The following SLC30A9 variants were observed in gnomAD, a reference collection of about 807,000 sequenced individuals.
SLC30A9 encodes the protein proton-coupled zinc antiporter SLC30A9, mitochondrial.
A neutral mutation model predicts 87.5 loss-of-function variants in SLC30A9; 58 were observed. The ratio of observed to expected loss-of-function variants is 0.66; its 90% CI spans 0.54 to 0.82. SLC30A9 has a LOEUF of 0.82. Ranked by LOEUF, SLC30A9 falls within the 40% of genes least tolerant of loss-of-function variation. SLC30A9 has a pLI of 0.00. For synonymous variants in SLC30A9, 234 were observed against 233.0 expected (o/e 1.00, Z -0.04); for missense variants, 557 against 679.1 (o/e 0.82, Z 2.00).
rs1197318852 is a variant in SLC30A9 at position 42,075,660 on chromosome 4, A to G, written c.1422A>G (p.Ala474=). ...TATGCATTGTTATTGATTGCAGGGC[A>G]ATTCATGATGTTAAAGCCACAGATC... The part of the protein sequence containing the change: ...ELLENDPSVR[A]IHDVKATDLG... Residue 474 remains alanine (A), a synonymous_variant, in exon 16 of 18, where the codon GCA becomes GCG. Transcript: ENST00000264451. 6.2e-7 allele frequency: 1 copy of G among 1,613,044 alleles called. No homozygotes were observed. Among genetic ancestry groups the G allele is most frequent in the Admixed American group, 1.7e-5 (1 of 59,928 alleles).
intron 14 of SLC30A9, chr4:42,070,281 A>ATT: frequency 2.8e-6 from 1 of 352,168 alleles, no homozygotes. Context: ...AACTTCACAT[A>ATT]TGTAATGACA....
chr4:42,011,559 G>C (rs776131080), intron 2 of SLC30A9, among the ~76,000 whole-genome samples: 2 of 152,154 alleles, frequency 1.3e-5, no homozygotes, highest in Non-Finnish European at 1.5e-5. Flanking sequence ...CTGAGCACAA[G>C]AATGTGAAGA....
intron 7 of SLC30A9, 52 bp from the exon 8 acceptor site, chr4:42,038,934 G>A (rs1385486017): frequency 9.1e-6 from 12 of 1,316,622 alleles, no homozygotes; most frequent in Non-Finnish European, 1.3e-5. Flanking sequence ...CAGTTACAGT[G>A]CTTCTCTGCA....
At chr4:42,055,663 A>C (rs761663614) in intron 9 of SLC30A9, among the ~76,000 whole-genome samples, 1 of 152,248 alleles carries the variant, frequency 6.6e-6, no homozygotes, top group Non-Finnish European at 1.5e-5. Flanking sequence ...GTATCATTTA[A>C]TATCAACTGA....
chr4:42,012,658 T>C (rs548978644), intron 2 of SLC30A9, among the ~76,000 whole-genome samples: 4 of 152,224 alleles, frequency 2.6e-5, no homozygotes, highest in Non-Finnish European at 4.4e-5. Flanking sequence ...TATTACTGAC[T>C]ATAGTCACCC....
chr4:42,008,859 G>C (rs929846114), intron 2 of SLC30A9, among the ~76,000 whole-genome samples: 1 of 152,128 alleles, frequency 6.6e-6, no homozygotes, highest in Non-Finnish European at 1.5e-5. Flanking sequence ...CTCCCTTTGG[G>C]TTTACCTGTG....
chr4:42,065,210 T>G, intron 11 of SLC30A9, 100 bp from the exon 12 acceptor site: 1 of 703,966 alleles, frequency 1.4e-6, no homozygotes, highest in South Asian at 1.5e-5. Flanking sequence ...TGGCTTAAAT[T>G]TGAATTCGTG....
chr4:42,056,574 CAAG>C (rs1717623489), intron 9 of SLC30A9, among the ~76,000 whole-genome samples: 1 of 152,090 alleles, frequency 6.6e-6, no homozygotes, highest in African/African-American at 2.4e-5. Flanking sequence ...TGTGGGAATT[CAAG>C]ATGAGATTTG....
intron 1 of SLC30A9, among the ~76,000 whole-genome samples, chr4:41,996,305 A>G (rs982998907): frequency 6.6e-6 from 1 of 151,618 alleles, no homozygotes; most frequent in Non-Finnish European, 1.5e-5. Context: ...CATGTTGGTC[A>G]GGCTGGTCTC....
At chr4:42,014,604 C>T (rs1286860927) in intron 2 of SLC30A9, among the ~76,000 whole-genome samples, 1 of 151,868 alleles carries the variant, frequency 6.6e-6, no homozygotes, top group Non-Finnish European at 1.5e-5. Flanking sequence ...ATCTGCATTC[C>T]CATGTTTATT....
In SLC30A9 at chr4:42,062,990, G is replaced by A. The variant is rs1717926740; in HGVS notation, c.901G>A (p.Gly301Arg). 5.0e-6 allele frequency: 8 copies of A among 1,610,258 alleles called. No homozygotes were observed. Among genetic ancestry groups the A allele is most frequent in the East Asian group, 2.2e-5 (1 of 44,750 alleles). ...VQTPDPSHPY[G>R]FSNMRYISSL... ...ATATTCTTTTCTATTTTTCAGGTAC[G>A]GATTTTCAAATATGCGCTATATTTC... The change falls in exon 11 of 18, where the codon GGA becomes AGA. Residue 301 changes from glycine to arginine, a missense_variant. Coordinates refer to ENST00000264451, the MANE Select transcript of SLC30A9 (RefSeq NM_006345.4).
chr4:42,075,038 TA>T (rs1718470580), intron 15 of SLC30A9, among the ~76,000 whole-genome samples: 10 of 10,230 alleles, frequency 9.8e-4, no homozygotes, highest in Admixed American at 7.0e-3. Context: ...TATATATATA[TA>T]TATATATATA....
chr4:42,055,265 T>A (rs979077423), intron 9 of SLC30A9, among the ~76,000 whole-genome samples: 1 of 152,258 alleles, frequency 6.6e-6, no homozygotes, highest in Non-Finnish European at 1.5e-5. Context: ...ATAATATTTT[T>A]AAAATTTTAA....
At chr4:42,071,231 A>G (rs1468138887) in intron 15 of SLC30A9, among the ~76,000 whole-genome samples, 1 of 152,146 alleles carries the variant, frequency 6.6e-6, no homozygotes, top group Non-Finnish European at 1.5e-5. Flanking sequence ...CAGAATTCTA[A>G]TAGTGCTTTT....
chr4:42,033,277 TC>T (rs1449526494), intron 6 of SLC30A9, among the ~76,000 whole-genome samples: 1 of 151,994 alleles, frequency 6.6e-6, no homozygotes, highest in Non-Finnish European at 1.5e-5. Context: ...TCCTTTCCAC[TC>T]TAAGTCCTCT....
rs193097495 is a variant in SLC30A9, at chr4:42,089,422, T to C, written c.*3296T>C. On this transcript the variant is annotated 3_prime_UTR_variant, in exon 18 of 18. Coordinates refer to ENST00000264451, the MANE Select transcript of SLC30A9 (RefSeq NM_006345.4). ...GGGAGGATGAGGGGTGGAGTGTTTT[T>C]GTTTTTTTTGTTTTTTTTTGAGACA... is the stretch of plus-strand genomic sequence containing the variant. 4 of 152,246 alleles carry C rather than the reference T, an allele frequency of 2.6e-5. No homozygotes were observed. In the East Asian group the frequency reaches 7.7e-4, roughly 29 times the overall value. The allele number at this position is 152,246 out of a possible 1,614,324, so 9.4% of individuals were successfully genotyped here.
intron 16 of SLC30A9, among the ~76,000 whole-genome samples, chr4:42,076,080 G>A (rs745921075): frequency 1.7e-4 from 26 of 151,874 alleles, no homozygotes; most frequent in Non-Finnish European, 2.9e-4. Flanking sequence ...AACATATATA[G>A]AAATTGAAAG....
chr4:42,011,578 A>G (rs1415571049), intron 2 of SLC30A9, among the ~76,000 whole-genome samples: 1 of 152,190 alleles, frequency 6.6e-6, no homozygotes, highest in Non-Finnish European at 1.5e-5. Flanking sequence ...GAGGAGAATG[A>G]AAGGATATAC....
intron 10 of SLC30A9, among the ~76,000 whole-genome samples, chr4:42,062,631 G>T (rs141960853): frequency 1.6e-4 from 25 of 152,262 alleles, no homozygotes; most frequent in African/African-American, 5.3e-4. Flanking sequence ...GCATTACAAG[G>T]AAATTTAAAT....
Sources: gnomAD v4.1 joint callset for allele counts (sites outside exome capture counted in the v4.1 genomes callset) on GRCh38, gnomAD v4.1.1 for gene constraint, MANE v1.5 for transcripts, NCBI Gene and HGNC (gene_info 2026-07-23, HGNC 2026-07-21) for gene names.